The following PUM3 variants were observed in gnomAD, a reference collection of about 807,000 sequenced individuals.
The protein encoded by PUM3 is pumilio RNA binding family member 3.
A neutral mutation model predicts 84.0 loss-of-function variants in PUM3; 91 were observed. That is an observed-to-expected ratio of 1.08 (90% confidence interval 0.91 to 1.29). PUM3 has a LOEUF of 1.29. Ranked by LOEUF, PUM3 falls within the 50% of genes most tolerant of loss-of-function variation. The pLI is 0.00. For missense variants in PUM3, 1,067 were observed against 767.5 expected (o/e 1.39, Z -4.61); for synonymous variants, 321 against 266.7 (o/e 1.20, Z -1.98).
intron 17 of PUM3, among the ~76,000 whole-genome samples, chr9:2,806,512 A>G (rs538417625): frequency 6.6e-6 from 1 of 152,224 alleles, no homozygotes; most frequent in Non-Finnish European, 1.5e-5. Flanking sequence ...TATCTTGAGA[A>G]ATTCAAACTA....
chr9:2,826,303 G>A (rs1472574310), intron 10 of PUM3, among the ~76,000 whole-genome samples: 1 of 152,040 alleles, frequency 6.6e-6, no homozygotes, highest in African/African-American at 2.4e-5. Context: ...TCAGAACCGT[G>A]GGATACTGTA....
At chr9:2,827,563 T>C (rs1384160603) in intron 9 of PUM3, among the ~76,000 whole-genome samples, 1 of 152,198 alleles carries the variant, frequency 6.6e-6, no homozygotes, top group Non-Finnish European at 1.5e-5. Context: ...TTTCACAAAA[T>C]AATTTTAGCA....
chr9:2,830,845 G>A (rs1402991869), intron 7 of PUM3, 117 bp downstream of exon 7: 2 of 634,286 alleles, frequency 3.2e-6, no homozygotes, highest in Admixed American at 3.2e-5. Context: ...CATCTGCTGA[G>A]AGCCATTACT....
At chr9:2,816,800 G>T (rs1821479389) in intron 13 of PUM3, among the ~76,000 whole-genome samples, 1 of 152,188 alleles carries the variant, frequency 6.6e-6, no homozygotes, top group African/African-American at 2.4e-5. Flanking sequence ...AGTGGGTGGG[G>T]AGACCACATC....
intron 7 of PUM3, among the ~76,000 whole-genome samples, chr9:2,830,597 T>C (rs1815949692): frequency 6.6e-6 from 1 of 152,184 alleles, no homozygotes; most frequent in African/African-American, 2.4e-5. Context: ...AAAATTATTT[T>C]TACTATGCTA....
chr9:2,837,451 T>C, intron 2 of PUM3, 50 bp from the exon 3 acceptor site: 1 of 1,238,202 alleles, frequency 8.1e-7, no homozygotes, highest in Non-Finnish European at 1.2e-6. Flanking sequence ...CCAAATCTCT[T>C]TTATCTATTG....
intron 12 of PUM3, among the ~76,000 whole-genome samples, chr9:2,821,040 G>A (rs1326972229): frequency 6.6e-6 from 1 of 152,132 alleles, no homozygotes; most frequent in Non-Finnish European, 1.5e-5. Context: ...AAATATCACA[G>A]ATAATACAAT....
At position 2,839,974 on chromosome 9, in the gene PUM3, T is replaced by C. The variant is rs1816226526; in HGVS notation, c.-10-1457A>G. On this transcript the variant is annotated intron_variant, in intron 1 of 17. Coordinates refer to ENST00000397885, the MANE Select transcript of PUM3 (RefSeq NM_014878.5). ...GAGTTGAGTTGGAGTTTACCAGTTT[T>C]TCCACTAATATCCTCTTTCTGTACC... Among the ~76,000 whole-genome samples, 7 of 152,222 alleles carry C rather than the reference T, an allele frequency of 4.6e-5. No individual in the cohort carries two copies. The South Asian group carries it at 1.4e-3, about 32-fold the overall frequency.
chr9:2,837,369 T>C lies in PUM3; in HGVS notation c.115A>G (p.Lys39Glu), dbSNP rs372338845. ...SGSSKTFPTRKVAKEGGPKVT... is the reference protein window; with the variant it reads ...SGSSKTFPTREVAKEGGPKVT... Reference sequence around the variant, plus strand: ...TTAGGTCCACCTTCTTTAGCAACTTTCCTTGTTGGAAATGTCTTTGAAGAA... The same window carrying C: ...TTAGGTCCACCTTCTTTAGCAACTTCCCTTGTTGGAAATGTCTTTGAAGAA... The change falls in exon 3 of 18, where the codon AAA (lysine) becomes GAA (glutamate). Residue 39 changes from lysine to glutamate, a missense_variant. Lys to Glu is a moderately conservative substitution (Grantham distance 56). Transcript: ENST00000397885. The C allele has an allele frequency of 6.2e-7, 1 of 1,613,342 alleles. No individual in the cohort carries two copies.
At chr9:2,805,756 T>G (rs1293025292) in intron 17 of PUM3, among the ~76,000 whole-genome samples, 1 of 152,116 alleles carries the variant, frequency 6.6e-6, no homozygotes, top group African/African-American at 2.4e-5. Context: ...TCATCCAATC[T>G]AGTTTTCATA....
rs550469969 is a variant in PUM3, at chr9:2,819,973, G to C, written c.1269+45C>G. 2.6e-5 allele frequency: 33 copies of C among 1,271,472 alleles called. No homozygotes were observed. In the African/African-American group the frequency reaches 4.7e-4, roughly 18 times the overall value. 78.8% of individuals were successfully genotyped at this position (1,271,472 alleles called of 1,614,324 possible). ...AAATCAAGCTTACACATCCACAACT[G>C]GTTTATCGATGTAACTTAAATTCAA... On this transcript the variant is annotated intron_variant, in intron 13 of 17. Coordinates refer to ENST00000397885, the MANE Select transcript of PUM3 (RefSeq NM_014878.5).
In PUM3 at chr9:2,811,442, G is replaced by A. The variant is rs1301493242; in HGVS notation, c.1554C>T (p.Ala518=). The A allele has an allele frequency of 1.9e-6, 3 of 1,614,020 alleles. No homozygotes were observed. The highest frequency in any genetic ancestry group is 2.7e-5 in the African/African-American group (2 of 74,902). ...TCATGGTAGGCTGAACGTCTCCAGT[G>A]GCAGATCCCAGAATGTCAGACACCA... The part of the protein sequence containing the change: ...CVLVSDILGS[A]TGDVQPTMNA... Residue 518 remains alanine (A), a synonymous_variant, in exon 15 of 18, where the codon GCC becomes GCT. Coordinates refer to ENST00000397885, the MANE Select transcript of PUM3 (RefSeq NM_014878.5).
intron 13 of PUM3, among the ~76,000 whole-genome samples, chr9:2,819,507 A>T (rs756239840): frequency 6.6e-6 from 1 of 152,212 alleles, no homozygotes; most frequent in Admixed American, 6.5e-5. Context: ...CAACTGAGTG[A>T]GTTTTGTACA....
At chr9:2,813,084 A>G (rs1821404160) in intron 13 of PUM3, among the ~76,000 whole-genome samples, 1 of 152,228 alleles carries the variant, frequency 6.6e-6, no homozygotes. Flanking sequence ...AAAACAGAAG[A>G]GGAGGGGAAA....
In PUM3 at chr9:2,817,772, G is replaced by C. The variant is rs375446904; in HGVS notation, c.1269+2246C>G. On this transcript the variant is annotated intron_variant, in intron 13 of 17. Transcript: ENST00000397885. ...TTTGTCAAGTTTTATTTCATGTCAGGTGGTGGGAGGCTGGATGTTCACTGT... is the reference window on the plus strand; with the variant it reads ...TTTGTCAAGTTTTATTTCATGTCAGCTGGTGGGAGGCTGGATGTTCACTGT... Among the ~76,000 whole-genome samples, 66 of 152,292 alleles carry C rather than the reference G, an allele frequency of 4.3e-4. 1 individual carries two copies. Among genetic ancestry groups the C allele is most frequent in the African/African-American group, 1.4e-3 (57 of 41,562 alleles).
intron 16 of PUM3, 77 bp downstream of exon 16, chr9:2,810,266 TG>T (rs1231383478): frequency 4.4e-6 from 4 of 902,108 alleles, no homozygotes; most frequent in Middle Eastern, 2.3e-4. Context: ...CTTAAATGGC[TG>T]GTATAAAGTT....
At chr9:2,818,436 C>A (rs991835083) in intron 13 of PUM3, among the ~76,000 whole-genome samples, 1 of 152,204 alleles carries the variant, frequency 6.6e-6, no homozygotes, top group African/African-American at 2.4e-5. Flanking sequence ...ACAGACAATT[C>A]TGGCAAATCA....
chr9:2,833,169 A>G (rs1816028881), intron 5 of PUM3, among the ~76,000 whole-genome samples, 188 bp downstream of exon 5: 1 of 152,130 alleles, frequency 6.6e-6, no homozygotes, highest in Non-Finnish European at 1.5e-5. Context: ...TCTTTTCAAA[A>G]CTCCCTAGCA....
At chr9:2,822,512 A>T (rs1815674676) in intron 12 of PUM3, among the ~76,000 whole-genome samples, 1 of 151,830 alleles carries the variant, frequency 6.6e-6, no homozygotes, top group Non-Finnish European at 1.5e-5. Context: ...ATATGTACTT[A>T]GTGTTAAATT....
Sources: gnomAD v4.1 joint callset for allele counts (sites outside exome capture counted in the v4.1 genomes callset) on GRCh38, gnomAD v4.1.1 for gene constraint, MANE v1.5 for transcripts, NCBI Gene and HGNC (gene_info 2026-07-23, HGNC 2026-07-21) for gene names.